MINK1: variants seen among roughly 807,000 people sequenced by gnomAD.
MINK1 encodes the protein misshapen-like kinase 1.
A neutral mutation model predicts 178.4 loss-of-function variants in MINK1; 46 were observed. The observed-to-expected ratio is 0.26, with a 90% CI of 0.20 to 0.33. The LOEUF (loss-of-function observed/expected upper bound fraction) is 0.33, where lower values mean the gene tolerates loss of function less well. MINK1 is among the 10% of genes least tolerant of loss of function. The probability of loss-of-function intolerance (pLI) is 1.00; values close to 1 mark genes in which losing one functional copy is unlikely to be tolerated. For missense variants in MINK1, 1,366 were observed against 1,814.9 expected, an observed-to-expected ratio of 0.75 and a Z score of 4.49; for synonymous variants, 797 against 709.7, an observed-to-expected ratio of 1.12 and a Z score of -1.96.
At chr17:4,840,902 T>C (rs1330088738) in intron 1 of MINK1, among the ~76,000 whole-genome samples, 3 of 151,942 alleles carry the variant, frequency 2.0e-5, no homozygotes, top group Non-Finnish European at 4.4e-5. Context: ...TGAGGTGGGC[T>C]GTGAGGAGAG....
At chr17:4,854,585 G>A (rs1912722031) in intron 1 of MINK1, among the ~76,000 whole-genome samples, 1 of 152,218 alleles carries the variant, frequency 6.6e-6, no homozygotes, top group Non-Finnish European at 1.5e-5. Flanking sequence ...GCATGCGTGT[G>A]TCTCACACAT....
rs767744517 is a variant in MINK1 at position 4,885,984 on chromosome 17, G to A, written c.694+19G>A. The A allele has an allele frequency of 1.2e-5, 19 of 1,613,524 alleles. No homozygotes were observed. In the East Asian group the frequency reaches 1.8e-4, roughly 15 times the overall value. On this transcript the variant is annotated intron_variant, in intron 8 of 31. Transcript: ENST00000355280. This position sits in a 1 kb window ranked among gnomAD's most constrained non-coding sequence, Gnocchi z 5.0. ...GCCCCCCGTAAGTTCTGAGTCTGCC[G>A]GGAGTGGGAGGGGAGGGAAAGGAAG...
chr17:4,893,859 A>G, intron 21 of MINK1, 129 bp from the exon 22 acceptor site: 1 of 886,980 alleles, frequency 1.1e-6, no homozygotes, highest in Non-Finnish European at 1.7e-6. Flanking sequence ...CAGGGGCTAC[A>G]CCGTGAGGGT....
intron 1 of MINK1, among the ~76,000 whole-genome samples, chr17:4,835,596 C>A (rs185190278): frequency 7.2e-4 from 109 of 152,278 alleles, no homozygotes; most frequent in African/African-American, 2.5e-3. Context: ...CACTGCACTC[C>A]AGCTTGGGCG....
At chr17:4,889,550 C>A in intron 12 of MINK1, 97 bp from the exon 13 acceptor site, 1 of 1,045,586 alleles carries the variant, frequency 9.6e-7, no homozygotes, top group Admixed American at 2.0e-5. Flanking sequence ...TACCACCCTC[C>A]GTGGTGAGCA....
At chr17:4,880,300 C>CTTT (rs1301744231) in intron 2 of MINK1, among the ~76,000 whole-genome samples, 1 of 138,588 alleles carries the variant, frequency 7.2e-6, no homozygotes, top group Non-Finnish European at 1.6e-5. Context: ...TTTTTCTTTT[C>CTTT]TTTTTTTTTT....
chr17:4,878,432 T>G (rs1967391101), intron 2 of MINK1, 50 bp downstream of exon 2: 2 of 1,482,792 alleles, frequency 1.3e-6, no homozygotes, highest in Non-Finnish European at 1.8e-6. Context: ...AGGGCAGTCT[T>G]GGGAGGAGTG....
chr17:4,879,369 A>G (rs1234840018), intron 2 of MINK1, among the ~76,000 whole-genome samples: 2 of 152,186 alleles, frequency 1.3e-5, no homozygotes, highest in Non-Finnish European at 2.9e-5. Context: ...ATACTGTCAC[A>G]AGTCTCTTCT....
At position 4,886,184 on chromosome 17, in the gene MINK1, C is replaced by G. The variant is rs370985119; in HGVS notation, c.759C>G (p.Leu253=). The G allele has an allele frequency of 1.9e-6, 3 of 1,613,852 alleles. No homozygotes were observed. The African/African-American group carries it at 4.0e-5, about 22-fold the overall frequency. The part of the protein sequence containing the change: ...FLIPRNPPPR[L]KSKKWSKKFI... ...TTCCTCGGAACCCTCCGCCCAGGCT[C>G]AAGTCCAAGAAGTGGTAGGTCTCTG... Residue 253 remains leucine, a synonymous_variant, in exon 9 of 32, where the codon CTC becomes CTG. Coordinates refer to ENST00000355280, the MANE Select transcript of MINK1 (RefSeq NM_153827.5). This position sits in a 1 kb window ranked among gnomAD's most constrained non-coding sequence, Gnocchi z 6.1.
intron 1 of MINK1, among the ~76,000 whole-genome samples, chr17:4,865,267 C>A (rs1914765238): frequency 6.8e-6 from 1 of 146,874 alleles, no homozygotes; most frequent in Non-Finnish European, 1.5e-5. Context: ...TCCGTCTCTA[C>A]TAAAAACACA....
chr17:4,897,096 G>C (rs1969609060), intron 31 of MINK1, 108 bp from the exon 32 acceptor site: 1 of 997,898 alleles, frequency 1.0e-6, no homozygotes, highest in Non-Finnish European at 1.5e-6. Flanking sequence ...TGCAGTCTCT[G>C]TGTCTCCCTC....
In MINK1 at chr17:4,833,400, G is replaced by A. The variant is rs1023103156; in HGVS notation, c.-184G>A. On this transcript the variant is annotated 5_prime_UTR_variant, in exon 1 of 32. Coordinates refer to ENST00000355280, the MANE Select transcript of MINK1 (RefSeq NM_153827.5). The surrounding 1 kb of genome is among the most constrained non-coding windows in gnomAD (Gnocchi z 4.8). ...GGTAGGCTCGGGTGGCTGGCTCCGGGGAGATAGCGCCTGTCAGTCGGTGGG... is the reference window on the plus strand; with the variant it reads ...GGTAGGCTCGGGTGGCTGGCTCCGGAGAGATAGCGCCTGTCAGTCGGTGGG... 1 of 540,480 alleles carries A rather than the reference G, an allele frequency of 1.9e-6. No homozygotes were observed. The highest frequency in any genetic ancestry group is 2.0e-5 in the African/African-American group (1 of 49,426). The allele number at this position is 540,480 out of a possible 1,614,324, so 33.5% of individuals were successfully genotyped here.
At chr17:4,866,027 A>G (rs945595172) in intron 1 of MINK1, among the ~76,000 whole-genome samples, 2 of 152,180 alleles carry the variant, frequency 1.3e-5, no homozygotes, top group South Asian at 4.1e-4. Context: ...TCCTCAGAAC[A>G]TAAACACCAG....
chr17:4,841,249 T>C (rs1388667799), intron 1 of MINK1, among the ~76,000 whole-genome samples: 1 of 152,134 alleles, frequency 6.6e-6, no homozygotes, highest in African/African-American at 2.4e-5. Context: ...TCCATTGCCT[T>C]TGGGATGAGC....
Position 4,897,221 on chromosome 17 carries a change from C to G in MINK1, c.3933C>G (p.Val1311=). 6.2e-7 allele frequency: 1 copy of G among 1,613,656 alleles called. No homozygotes were observed. The highest frequency in any genetic ancestry group is 8.5e-7 in the Non-Finnish European group (1 of 1,179,724). ...ERNDKVFFAS[V]RSGGSSQVYF... Reference sequence around the variant, plus strand: ...CCACCCAGGTGTTTTTTGCCTCAGTCCGCTCTGGGGGCAGCAGCCAAGTTT... The same window carrying G: ...CCACCCAGGTGTTTTTTGCCTCAGTGCGCTCTGGGGGCAGCAGCCAAGTTT... Residue 1311 remains valine, a synonymous_variant, in exon 32 of 32, where the codon GTC becomes GTG. Coordinates refer to ENST00000355280, the MANE Select transcript of MINK1 (RefSeq NM_153827.5).
chr17:4,875,885 T>C (rs1203091647), intron 1 of MINK1, among the ~76,000 whole-genome samples: 1 of 146,722 alleles, frequency 6.8e-6, no homozygotes, highest in Non-Finnish European at 1.5e-5. Context: ...AACCTCCACC[T>C]CCTGGGTTCA....
Position 4,886,665 on chromosome 17 carries a change from A to C in MINK1, c.949+39A>C. 2.0e-6 allele frequency: 3 copies of C among 1,511,680 alleles called. No individual in the cohort carries two copies. Among genetic ancestry groups the C allele is most frequent in the Non-Finnish European group, 2.7e-6 (3 of 1,131,348 alleles). 93.6% of individuals were successfully genotyped at this position (1,511,680 alleles called of 1,614,324 possible). ...CTGGAGGGGGCAGGTACTAGGGGACACTCCAGCCTGGCTCCTCTCTGCCAG... is the reference window on the plus strand; with the variant it reads ...CTGGAGGGGGCAGGTACTAGGGGACCCTCCAGCCTGGCTCCTCTCTGCCAG... On this transcript the variant is annotated intron_variant, in intron 10 of 31. Coordinates refer to ENST00000355280, the MANE Select transcript of MINK1 (RefSeq NM_153827.5). This position sits in a 1 kb window ranked among gnomAD's most constrained non-coding sequence, Gnocchi z 6.1.
chr17:4,877,500 G>A (rs72835045), intron 1 of MINK1, among the ~76,000 whole-genome samples: 11,088 of 152,230 alleles, frequency 0.073, 447 homozygotes, highest in Non-Finnish European at 0.094. Context: ...ACTGGGAAGA[G>A]GGAAGGACAA....
At chr17:4,889,603 CG>C in intron 12 of MINK1, 43 bp from the exon 13 acceptor site, 1 of 1,498,100 alleles carries the variant, frequency 6.7e-7, no homozygotes. Context: ...AGTGCTGACG[CG>C]ATGTCCGGTA....
Sources: gnomAD v4.1 joint callset for allele counts (sites outside exome capture counted in the v4.1 genomes callset) on GRCh38, gnomAD v4.1.1 for gene constraint, Gnocchi (gnomAD v3.1) non-coding constraint, MANE v1.5 for transcripts, NCBI Gene and HGNC (gene_info 2026-07-23, HGNC 2026-07-21) for gene names.